ZIC5: variants seen among roughly 807,000 people sequenced by gnomAD.
ZIC5 encodes the protein zinc finger protein ZIC 5.
A neutral mutation model predicts 28.5 loss-of-function variants in ZIC5; 20 were observed. The observed-to-expected ratio is 0.70, with a 90% CI of 0.49 to 1.02. ZIC5 has a LOEUF of 1.02. Ranked by LOEUF, ZIC5 falls within the 50% of genes least tolerant of loss-of-function variation. The probability of loss-of-function intolerance (pLI) is 0.00; values close to 1 mark genes in which losing one functional copy is unlikely to be tolerated. For synonymous variants in ZIC5, 488 were observed against 410.4 expected (o/e 1.19, Z -2.29); for missense variants, 951 against 899.7 (o/e 1.06, Z -0.73).
chr13:99,970,407 GGGCGGTGGCGGCGGCGGCGGCGGCGGC>G lies in ZIC5; in HGVS notation c.1170_1196del (p.Pro392_Pro400del), dbSNP rs776959228. 2.2e-5 allele frequency: 26 copies of G among 1,192,648 alleles called. 3 individuals carry two copies. The highest frequency in any genetic ancestry group is 8.6e-5 in the Admixed American group (2 of 23,156). 73.9% of individuals were successfully genotyped at this position (1,192,648 alleles called of 1,614,324 possible). A position where few individuals can be genotyped will look rare whatever the true frequency, so the allele number is the denominator to read the frequency against. ...AGCAGGGCTTGGCGCCGCCGGCCGGGGGCGGTGGCGGCGGCGGCGGCGGCGGCGGCGGCGGCGGCGGCAGCCCGGCCA... is the reference window on the plus strand; with the variant it reads ...AGCAGGGCTTGGCGCCGCCGGCCGGGGGCGGCGGCGGCGGCAGCCCGGCCA... On this transcript the variant is annotated inframe_deletion, in exon 1 of 2. Transcript: ENST00000267294.
At chr13:99,969,448 G>A (rs888903567) in intron 1 of ZIC5, among the ~76,000 whole-genome samples, 3 of 151,662 alleles carry the variant, frequency 2.0e-5, no homozygotes, top group Admixed American at 1.3e-4. Context: ...GCACGCGCAG[G>A]AGGATATGAG....
chr13:99,968,950 C>T (rs1422735001), intron 1 of ZIC5, among the ~76,000 whole-genome samples: 4 of 152,234 alleles, frequency 2.6e-5, no homozygotes, highest in African/African-American at 4.8e-5. Flanking sequence ...GCGTGGGACC[C>T]GGCGGCTACC....
intron 1 of ZIC5, 80 bp from the exon 2 acceptor site, chr13:99,965,899 TTG>T (rs1405242782): frequency 1.7e-5 from 25 of 1,462,396 alleles, no homozygotes; most frequent in Non-Finnish European, 2.3e-5. Flanking sequence ...AGAACCAAGG[TTG>T]TGTTTTTCCT....
chr13:99,970,143 G>A lies in ZIC5; in HGVS notation c.1461C>T (p.His487=), dbSNP rs2053136886. 2 of 1,609,910 alleles carry A rather than the reference G, an allele frequency of 1.2e-6. No homozygotes were observed. The highest frequency in any genetic ancestry group is 4.5e-5 in the East Asian group (2 of 44,522). Residue 487 remains histidine (H), a synonymous_variant, in exon 1 of 2, where the codon CAC becomes CAT. Transcript: ENST00000267294. Reference sequence around the variant, plus strand: ...GACACCCACCTGTATGAGTACGCTTGTGGATCTTGAGGTTCTCGGAGCGCG... The same window carrying A: ...GACACCCACCTGTATGAGTACGCTTATGGATCTTGAGGTTCTCGGAGCGCG... ...VFARSENLKI[H]KRTHTGEKPF...
intron 1 of ZIC5, among the ~76,000 whole-genome samples, chr13:99,968,289 T>C (rs1414969544): frequency 6.6e-6 from 1 of 152,096 alleles, no homozygotes; most frequent in Non-Finnish European, 1.5e-5. Flanking sequence ...CCGAGGCGCC[T>C]GCGTCCCTCC....
rs2053074945 is a variant in ZIC5, at chr13:99,963,763, A to T, written c.*1614T>A. On this transcript the variant is annotated 3_prime_UTR_variant, in exon 2 of 2. Transcript: ENST00000267294. ...TGCTTTGAACTCTTCCAGGAAAGAA[A>T]AAAAAAAAGGATGATGTCTGAAAAT... 1 of 152,326 alleles carries T rather than the reference A, an allele frequency of 6.6e-6. No individual in the cohort carries two copies. The highest frequency in any genetic ancestry group is 2.4e-5 in the African/African-American group (1 of 41,422). The allele number at this position is 152,326 out of a possible 1,614,324, so 9.4% of individuals were successfully genotyped here. A position where few individuals can be genotyped will look rare whatever the true frequency, so the allele number is the denominator to read the frequency against.
Position 99,964,087 on chromosome 13 carries a change from C to A in ZIC5, c.*1290G>T, listed in dbSNP as rs2053078005. 6.6e-6 allele frequency: 1 copy of A among 152,562 alleles called. No individual in the cohort carries two copies. The highest frequency in any genetic ancestry group is 1.5e-5 in the Non-Finnish European group (1 of 68,034). 9.5% of individuals were successfully genotyped at this position (152,562 alleles called of 1,614,324 possible). On this transcript the variant is annotated 3_prime_UTR_variant, in exon 2 of 2. Coordinates refer to ENST00000267294, the MANE Select transcript of ZIC5 (RefSeq NM_033132.5). Reference sequence around the variant, plus strand: ...ACAGCTCTGGCAAAGGTCACACATTCATCAGTGTTTGGTGGTAACTATAAA... The same window carrying A: ...ACAGCTCTGGCAAAGGTCACACATTAATCAGTGTTTGGTGGTAACTATAAA...
Position 99,971,512 on chromosome 13 carries a change from C to T in ZIC5, c.92G>A (p.Gly31Asp), listed in dbSNP as rs781700421. ...AQVQPLQNMTGFPALAGPPAH... is the reference protein window; with the variant it reads ...AQVQPLQNMTDFPALAGPPAH... Reference sequence around the variant, plus strand: ...GGGCGGGCCGGCCAGCGCCGGGAAGCCTGTCATATTCTGAAGCGGCTGGAC... The same window carrying T: ...GGGCGGGCCGGCCAGCGCCGGGAAGTCTGTCATATTCTGAAGCGGCTGGAC... Residue 31 changes from glycine (G) to aspartate (D), a missense_variant, in exon 1 of 2, where the codon GGC becomes GAC. Physicochemically the swap from Gly to Asp is moderately conservative, Grantham distance 94. Transcript: ENST00000267294. The T allele has an allele frequency of 1.2e-5, 18 of 1,551,600 alleles. No homozygotes were observed. Among genetic ancestry groups the T allele is most frequent in the South Asian group, 9.5e-5 (8 of 84,086 alleles).
intron 1 of ZIC5, among the ~76,000 whole-genome samples, chr13:99,969,225 C>T (rs557041897): frequency 4.0e-4 from 61 of 152,234 alleles, no homozygotes; most frequent in Non-Finnish European, 7.1e-4. Context: ...GGGAGGGTCC[C>T]CACGACGCCG....
chr13:99,971,346 C>T lies in ZIC5; in HGVS notation c.258G>A (p.Ala86=), dbSNP rs754515836. ...STLGLSPPSQ[A]FPAHPEAPAA... is the part of the protein sequence containing the mutation. The stretch of plus-strand genomic sequence containing the variant: ...CCGGAGCCTCCGGGTGTGCCGGGAA[C>T]GCCTGGGAGGGAGGGCTGAGGCCCA... Residue 86 remains alanine (A), a synonymous_variant, in exon 1 of 2, where the codon GCG becomes GCA. Transcript: ENST00000267294. The T allele has an allele frequency of 1.8e-5, 26 of 1,419,048 alleles. No homozygotes were observed. Among genetic ancestry groups the T allele is most frequent in the Non-Finnish European group, 2.3e-5 (25 of 1,098,656 alleles). 87.9% of individuals were successfully genotyped at this position (1,419,048 alleles called of 1,614,324 possible).
Position 99,971,506 on chromosome 13 carries a change from G to C in ZIC5, c.98C>G (p.Pro33Arg), listed in dbSNP as rs913816048. 35 of 1,551,218 alleles carry C rather than the reference G, an allele frequency of 2.3e-5. No individual in the cohort carries two copies. The Admixed American group carries it at 4.5e-4, about 20-fold the overall frequency. The change falls in exon 1 of 2, where the codon CCG (proline) becomes CGG (arginine). Residue 33 changes from proline (P) to arginine (R), a missense_variant. Coordinates refer to ENST00000267294, the MANE Select transcript of ZIC5 (RefSeq NM_033132.5). ...VQPLQNMTGF[P>R]ALAGPPAHSQ... Reference sequence around the variant, plus strand: ...GTGGGCGGGCGGGCCGGCCAGCGCCGGGAAGCCTGTCATATTCTGAAGCGG... The same window carrying C: ...GTGGGCGGGCGGGCCGGCCAGCGCCCGGAAGCCTGTCATATTCTGAAGCGG...
Position 99,970,790 on chromosome 13 carries a change from G to A in ZIC5, c.814C>T (p.Leu272=). 8.4e-7 allele frequency: 1 copy of A among 1,194,946 alleles called. No individual in the cohort carries two copies. Among genetic ancestry groups the A allele is most frequent in the Non-Finnish European group, 1.0e-6 (1 of 968,564 alleles). The allele number at this position is 1,194,946 out of a possible 1,614,324, so 74.0% of individuals were successfully genotyped here. A position where few individuals can be genotyped will look rare whatever the true frequency, so the allele number is the denominator to read the frequency against. The change falls in exon 1 of 2, where the codon CTG becomes TTG. Residue 272 remains leucine (L), a synonymous_variant. Transcript: ENST00000267294. ...AAAAAAAAAE[L]YGRAEPPFAP... is the part of the protein sequence containing the mutation. ...AAGGGCGGTTCGGCGCGGCCGTACAGCTCAGCCGCCGCGGCTGCCGCTGCC... is the reference window on the plus strand; with the variant it reads ...AAGGGCGGTTCGGCGCGGCCGTACAACTCAGCCGCCGCGGCTGCCGCTGCC...
rs771277392 is a variant in ZIC5, at chr13:99,970,965, C to T, written c.639G>A (p.Ser213=). ...CGCTGGCGGAGATGAACATGCCGGC[C>T]GAGTGGGGAGGCGGGGCCGGGTGCT... The part of the protein sequence containing the change: ...SPQHPAPPPH[S]AGMFISASGT... Residue 213 remains serine, a synonymous_variant, in exon 1 of 2, where the codon TCG becomes TCA. Transcript: ENST00000267294. 7.1e-7 allele frequency: 1 copy of T among 1,400,796 alleles called. No homozygotes were observed. The highest frequency in any genetic ancestry group is 1.6e-5 in the South Asian group (1 of 61,534). The allele number at this position is 1,400,796 out of a possible 1,614,324, so 86.8% of individuals were successfully genotyped here.
At position 99,970,464 on chromosome 13, in the gene ZIC5, G is replaced by A. The variant is rs184583208; in HGVS notation, c.1140C>T (p.Asp380=). 2.7e-3 allele frequency: 2,994 copies of A among 1,098,158 alleles called. 70 individuals are homozygous for A. The African/African-American group carries it at 0.047, about 17-fold the overall frequency. The allele number at this position is 1,098,158 out of a possible 1,614,324, so 68.0% of individuals were successfully genotyped here. A position where few individuals can be genotyped will look rare whatever the true frequency, so the allele number is the denominator to read the frequency against. Residue 380 remains aspartate (D), a synonymous_variant, in exon 1 of 2, where the codon GAC becomes GAT. Coordinates refer to ENST00000267294, the MANE Select transcript of ZIC5 (RefSeq NM_033132.5). The stretch of plus-strand genomic sequence containing the variant: ...GCGGCGGCGGCAGCCCGGCCAGCTC[G>A]TCGGGGTCGATCCACTTGCAGATGA... ...QELICKWIDP[D]ELAGLPPPPP...
rs781275929 is a variant in ZIC5, at chr13:99,970,254, G to C, written c.1350C>G (p.Ala450=). The C allele has an allele frequency of 6.2e-7, 1 of 1,613,920 alleles. No individual in the cohort carries two copies. The highest frequency in any genetic ancestry group is 1.1e-5 in the South Asian group (1 of 91,074). ...GGATGTGGTTGATGAGCTTGTATTT[G>C]GCCTTGAAGGGCTTGCCCTCGCGCG... The part of the protein sequence containing the change: ...DCPREGKPFK[A]KYKLINHIRV... The change falls in exon 1 of 2, where the codon GCC becomes GCG. Residue 450 remains alanine (A), a synonymous_variant. Coordinates refer to ENST00000267294, the MANE Select transcript of ZIC5 (RefSeq NM_033132.5).
intron 1 of ZIC5, among the ~76,000 whole-genome samples, chr13:99,969,259 C>T (rs2053126226): frequency 6.6e-6 from 1 of 152,200 alleles, no homozygotes; most frequent in Admixed American, 6.5e-5. Flanking sequence ...AATTCCACGA[C>T]AGGGTAGGCC....
chr13:99,968,854 C>T (rs897940975), intron 1 of ZIC5, among the ~76,000 whole-genome samples: 1 of 152,174 alleles, frequency 6.6e-6, no homozygotes, highest in Non-Finnish European at 1.5e-5. Flanking sequence ...GGCCATCAGG[C>T]GGCCCGCAGG....
In ZIC5 at chr13:99,964,313, T is replaced by C. The variant is rs553728105; in HGVS notation, c.*1064A>G. 3 of 152,324 alleles carry C rather than the reference T, an allele frequency of 2.0e-5. No individual in the cohort carries two copies. Among genetic ancestry groups the C allele is most frequent in the African/African-American group, 7.2e-5 (3 of 41,574 alleles). 9.4% of individuals were successfully genotyped at this position (152,324 alleles called of 1,614,324 possible). A position where few individuals can be genotyped will look rare whatever the true frequency, so the allele number is the denominator to read the frequency against. On this transcript the variant is annotated 3_prime_UTR_variant, in exon 2 of 2. Transcript: ENST00000267294. ...TGATACAACAGTATAAAAGAGGTGT[T>C]GGCCTGTTTTAAAAACAACAGCTTT...
At position 99,971,414 on chromosome 13, in the gene ZIC5, T is replaced by G. The variant is rs911487632; in HGVS notation, c.190A>C (p.Thr64Pro). 2.0e-6 allele frequency: 3 copies of G among 1,521,032 alleles called. No homozygotes were observed. The East Asian group carries it at 7.5e-5, about 38-fold the overall frequency. The allele number at this position is 1,521,032 out of a possible 1,614,324, so 94.2% of individuals were successfully genotyped here. A position where few individuals can be genotyped will look rare whatever the true frequency, so the allele number is the denominator to read the frequency against. ...ATGTGCTCGGGTCCGAGCGGAGTGG[T>G]GGCCACGCCGGGGTCAGCGCCCAGG... ...RDLGADPGVATTPLGPEHMAQ... is the reference protein window; with the variant it reads ...RDLGADPGVAPTPLGPEHMAQ... The change falls in exon 1 of 2, where the codon ACC becomes CCC. Residue 64 changes from threonine to proline, a missense_variant. Around this residue, in one of 3 missense-constraint regions of ZIC5, gnomAD observed 784 missense variants for 660.1 expected, o/e 1.19. Coordinates refer to ENST00000267294, the MANE Select transcript of ZIC5 (RefSeq NM_033132.5).
Sources: gnomAD v4.1 joint callset for allele counts (sites outside exome capture counted in the v4.1 genomes callset) on GRCh38, gnomAD v4.1.1 for gene constraint, gnomAD v4.1.1 regional missense constraint, MANE v1.5 for transcripts, NCBI Gene and HGNC (gene_info 2026-07-23, HGNC 2026-07-21) for gene names.